Variants in FAT4 observed in about 807,000 individuals in gnomAD.
The protein encoded by FAT4 is protocadherin Fat 4.
FAT4 carries 84 observed loss-of-function variants against 303.9 expected under a neutral mutation model. The ratio of observed to expected loss-of-function variants is 0.28; its 90% CI spans 0.23 to 0.33. The LOEUF is 0.33. Ranked by LOEUF, FAT4 falls within the 10% of genes least tolerant of loss-of-function variation. The probability of loss-of-function intolerance (pLI) is 1.00; values close to 1 mark genes in which losing one functional copy is unlikely to be tolerated. For synonymous variants in FAT4, 2,307 were observed against 2,298.8 expected, an observed-to-expected ratio of 1.00 and a Z score of -0.10; for missense variants, 6,005 against 6,146.8, an observed-to-expected ratio of 0.98 and a Z score of 0.77.
intron 8 of FAT4, among the ~76,000 whole-genome samples, chr4:125,435,945 C>T (rs9994836): frequency 0.99 from 150,167 of 151,656 alleles, 74,356 homozygotes; most frequent in East Asian, 1. Context: ...TTTGTACTTA[C>T]GTGGAGAAAT....
chr4:125,338,950 A>C (rs1186088411), intron 2 of FAT4, among the ~76,000 whole-genome samples: 4 of 152,066 alleles, frequency 2.6e-5, no homozygotes, highest in Non-Finnish European at 5.9e-5. Flanking sequence ...TCCAAGGGAT[A>C]CTCTAGTGTA....
chr4:125,337,134 A>G (rs1731606865), intron 2 of FAT4, among the ~76,000 whole-genome samples: 1 of 152,030 alleles, frequency 6.6e-6, no homozygotes, highest in Admixed American at 6.5e-5. Context: ...ATTTCACAGA[A>G]AGGAGATTAA....
chr4:125,477,500 T>C (rs1038290837), intron 14 of FAT4, 166 bp downstream of exon 14: 14 of 495,806 alleles, frequency 2.8e-5, no homozygotes, highest in Non-Finnish European at 3.7e-5. Flanking sequence ...TGGCATAAAG[T>C]ATGATATTTA....
intron 17 of FAT4, among the ~76,000 whole-genome samples, chr4:125,489,215 T>A (rs1335416436): frequency 3.3e-5 from 5 of 152,214 alleles, no homozygotes; most frequent in African/African-American, 9.7e-5. Flanking sequence ...GAGATAGGAA[T>A]ATCAGCACTG....
chr4:125,345,457 AAC>A (rs1553961597), intron 2 of FAT4, among the ~76,000 whole-genome samples: 2 of 151,684 alleles, frequency 1.3e-5, no homozygotes, highest in Admixed American at 6.6e-5. Context: ...TGAAAAAAAA[AAC>A]ACACAAAAAG....
At position 125,316,463 on chromosome 4, in the gene FAT4, A is replaced by C; in HGVS notation, c.52A>C (p.Thr18Pro). Residue 18 changes from threonine to proline, a missense_variant, in exon 2 of 18, where the codon ACT (threonine) becomes CCT (proline). Physicochemically the swap from Thr to Pro is conservative, Grantham distance 38. Transcript: ENST00000394329. The surrounding 1 kb of genome is among the most constrained non-coding windows in gnomAD (Gnocchi z 5.7). ...ATGRPWLPLHTLSVSQLLRVF... is the reference protein window; with the variant it reads ...ATGRPWLPLHPLSVSQLLRVF... ...TGGCCGCCCGTGGCTCCCGTTGCAC[A>C]CTCTATCAGTATCTCAGCTCCTTCG... 6.2e-7 allele frequency: 1 copy of C among 1,613,360 alleles called. No homozygotes were observed. The highest frequency in any genetic ancestry group is 8.5e-7 in the Non-Finnish European group (1 of 1,179,898).
chr4:125,423,144 C>T (rs1321775951), intron 7 of FAT4, among the ~76,000 whole-genome samples: 1 of 152,058 alleles, frequency 6.6e-6, no homozygotes, highest in Non-Finnish European at 1.5e-5. Context: ...AAAGAAAAAC[C>T]CATTTTCTGG....
chr4:125,372,342 G>A (rs1408310463), intron 2 of FAT4, among the ~76,000 whole-genome samples: 1 of 147,894 alleles, frequency 6.8e-6, no homozygotes, highest in Non-Finnish European at 1.5e-5. Context: ...AGCCTGGATG[G>A]CATAGAGTGA....
intron 7 of FAT4, among the ~76,000 whole-genome samples, chr4:125,420,529 G>GA (rs1314563870): frequency 1.3e-5 from 2 of 152,016 alleles, no homozygotes; most frequent in Non-Finnish European, 2.9e-5. Flanking sequence ...ACTTCCAAAA[G>GA]AAAAAAGTGC....
At chr4:125,405,017 T>C (rs540133586) in intron 3 of FAT4, among the ~76,000 whole-genome samples, 1 of 152,064 alleles carries the variant, frequency 6.6e-6, no homozygotes, top group South Asian at 2.1e-4. Context: ...TTTTAAATTT[T>C]GGAAGTTGCA....
In FAT4 at chr4:125,440,137, A is replaced by G. The variant is rs190747122; in HGVS notation, c.7199+5712A>G. ...TTCTTTCTTTTACAATATCTGGTAC[A>G]TAACAGTGGTTGTCACTTAAATAAA... On this transcript the variant is annotated intron_variant, in intron 8 of 17. Coordinates refer to ENST00000394329, the MANE Select transcript of FAT4 (RefSeq NM_001291303.3). Among the ~76,000 whole-genome samples the G allele has an allele frequency of 1.1e-4, 17 of 152,264 alleles. No homozygotes were observed. The East Asian group carries it at 2.3e-3, about 21-fold the overall frequency.
chr4:125,451,263 G>C lies in FAT4; in HGVS notation c.10253G>C (p.Gly3418Ala). Residue 3418 changes from glycine (G) to alanine (A), a missense_variant, in exon 10 of 18, where the codon GGG becomes GCG. Physicochemically the swap from Gly to Ala is moderately conservative, Grantham distance 60. Transcript: ENST00000394329. ...LNIYSVQISE[G>A]VPIGTHVTFV... ...ATCTACAGTGTGCAGATCAGTGAAG[G>C]GGTCCCAATAGGAACTCATGTGACC... is the stretch of plus-strand genomic sequence containing the variant. 1 of 1,614,016 alleles carries C rather than the reference G, an allele frequency of 6.2e-7. No individual in the cohort carries two copies. Among genetic ancestry groups the C allele is most frequent in the Non-Finnish European group, 8.5e-7 (1 of 1,179,998 alleles).
chr4:125,334,038 TTA>T (rs1560764770), intron 2 of FAT4, among the ~76,000 whole-genome samples: 1 of 151,930 alleles, frequency 6.6e-6, no homozygotes, highest in African/African-American at 2.4e-5. Flanking sequence ...ACAATAGGGT[TTA>T]TGTGGCCCAC....
rs1419356778 is a variant in FAT4 at position 125,335,759 on chromosome 4, C to T, written c.5175+14173C>T. Among the ~76,000 whole-genome samples the T allele has an allele frequency of 4.0e-5, 6 of 151,198 alleles. No homozygotes were observed. In the South Asian group the frequency reaches 1.3e-3, roughly 32 times the overall value. ...TTAAAATAAATATATATTTGAAAGT[C>T]AGAATAGTTTTGTTCAAATACTGGC... is the stretch of plus-strand genomic sequence containing the variant. On this transcript the variant is annotated intron_variant, in intron 2 of 17. Coordinates refer to ENST00000394329, the MANE Select transcript of FAT4 (RefSeq NM_001291303.3).
At chr4:125,373,616 A>C (rs563183580) in intron 2 of FAT4, among the ~76,000 whole-genome samples, 4 of 152,192 alleles carry the variant, frequency 2.6e-5, no homozygotes, top group Non-Finnish European at 5.9e-5. Flanking sequence ...TTCTATTTTG[A>C]CAAACACTGT....
intron 3 of FAT4, among the ~76,000 whole-genome samples, chr4:125,399,644 T>A (rs1185562734): frequency 6.6e-6 from 1 of 151,908 alleles, no homozygotes; most frequent in Non-Finnish European, 1.5e-5. Flanking sequence ...GCTTTATAAA[T>A]GTATTTCTGT....
At chr4:125,439,797 G>A (rs189385712) in intron 8 of FAT4, among the ~76,000 whole-genome samples, 15 of 152,166 alleles carry the variant, frequency 9.9e-5, no homozygotes, top group Middle Eastern at 3.4e-3. Context: ...ATAAGTTAGC[G>A]TATCTACAGA....
chr4:125,372,896 T>A (rs1378549939), intron 2 of FAT4, among the ~76,000 whole-genome samples: 3 of 152,180 alleles, frequency 2.0e-5, no homozygotes, highest in African/African-American at 7.2e-5. Flanking sequence ...TGTTTTTAAT[T>A]TAGAATTTAA....
intron 2 of FAT4, among the ~76,000 whole-genome samples, chr4:125,367,592 T>C (rs1366321284): frequency 6.6e-6 from 1 of 152,078 alleles, no homozygotes; most frequent in Non-Finnish European, 1.5e-5. Context: ...AAATAGCAGG[T>C]TGGGGGAAAA....
Sources: allele counts gnomAD v4.1 joint callset (sites outside exome capture counted in the v4.1 genomes callset), GRCh38; gene constraint gnomAD v4.1.1; non-coding constraint Gnocchi (gnomAD v3.1); transcripts MANE v1.5; gene names NCBI Gene and HGNC (gene_info 2026-07-23, HGNC 2026-07-21).